The following RICTOR variants were observed in gnomAD, a reference collection of about 807,000 sequenced individuals.
RICTOR encodes RPTOR independent companion of MTOR complex 2.
A neutral mutation model predicts 214.9 loss-of-function variants in RICTOR; 49 were observed. That is an observed-to-expected ratio of 0.23 (90% CI 0.18 to 0.29). The LOEUF (loss-of-function observed/expected upper bound fraction) is 0.29, where lower values mean the gene tolerates loss of function less well. Among genes scored for constraint, RICTOR ranks in the 10% least tolerant of loss-of-function variants. The pLI, the probability that RICTOR is intolerant of heterozygous loss-of-function variation, is 1.00. For synonymous variants in RICTOR, 717 were observed against 711.3 expected (o/e 1.01, Z -0.13); for missense variants, 1,625 against 2,047.0 (o/e 0.79, Z 3.98).
chr5:39,053,530 C>T (rs989173902), intron 2 of RICTOR, among the ~76,000 whole-genome samples: 1 of 152,156 alleles, frequency 6.6e-6, no homozygotes, highest in Non-Finnish European at 1.5e-5. Flanking sequence ...TATTTAGGAT[C>T]TAGCACAGTG....
At chr5:39,034,975 C>A (rs1404131424) in intron 2 of RICTOR, among the ~76,000 whole-genome samples, 1 of 152,218 alleles carries the variant, frequency 6.6e-6, no homozygotes, top group African/African-American at 2.4e-5. Flanking sequence ...CAGTGGTTCT[C>A]CCAGCACGCA....
At chr5:38,983,722 G>C (rs1751916108) in intron 7 of RICTOR, among the ~76,000 whole-genome samples, 1 of 152,180 alleles carries the variant, frequency 6.6e-6, no homozygotes, top group Non-Finnish European at 1.5e-5. Context: ...CCAGCACTTT[G>C]GGAGGCTGAG....
chr5:38,966,300 T>A (rs1207047842), intron 15 of RICTOR, among the ~76,000 whole-genome samples: 1 of 152,230 alleles, frequency 6.6e-6, no homozygotes, highest in African/African-American at 2.4e-5. Context: ...TTTTGCAATT[T>A]CTTGCTTCTT....
At chr5:38,995,649 T>A (rs760361291) in intron 6 of RICTOR, among the ~76,000 whole-genome samples, 16 of 152,170 alleles carry the variant, frequency 1.1e-4, no homozygotes, top group Non-Finnish European at 1.5e-4. Flanking sequence ...CATATTAATA[T>A]ATATTTTAGT....
intron 9 of RICTOR, among the ~76,000 whole-genome samples, chr5:38,977,173 C>T (rs1012832795): frequency 1.3e-5 from 2 of 152,162 alleles, no homozygotes; most frequent in African/African-American, 2.4e-5. Flanking sequence ...CCCCAGCTGA[C>T]AGCCAGTAAA....
chr5:38,983,200 T>C (rs1464370221), intron 7 of RICTOR, among the ~76,000 whole-genome samples: 1 of 152,206 alleles, frequency 6.6e-6, no homozygotes, highest in Admixed American at 6.5e-5. Context: ...AATTCAAAAG[T>C]ACTTCCCAAA....
At chr5:39,018,175 T>A (rs1156818242) in intron 3 of RICTOR, among the ~76,000 whole-genome samples, 1 of 151,990 alleles carries the variant, frequency 6.6e-6, no homozygotes, top group African/African-American at 2.4e-5. Context: ...AACATACCAA[T>A]CCACTCATCA....
intron 15 of RICTOR, among the ~76,000 whole-genome samples, chr5:38,966,362 T>C (rs905650553): frequency 3.3e-5 from 5 of 152,234 alleles, no homozygotes; most frequent in African/African-American, 9.6e-5. Flanking sequence ...ATGTCAACTT[T>C]GAAAGTGAGT....
chr5:39,017,981 T>G (rs1309784074), intron 3 of RICTOR, among the ~76,000 whole-genome samples: 1 of 152,184 alleles, frequency 6.6e-6, no homozygotes, highest in Non-Finnish European at 1.5e-5. Flanking sequence ...GATCATATTT[T>G]GAGCAGCAAG....
chr5:39,006,964 T>C (rs551601145), intron 3 of RICTOR, among the ~76,000 whole-genome samples: 20 of 152,288 alleles, frequency 1.3e-4, no homozygotes, highest in African/African-American at 4.8e-4. Context: ...TTGTACAGTG[T>C]TGAAAGTAGT....
At chr5:38,990,110 G>A (rs1752473616) in intron 7 of RICTOR, among the ~76,000 whole-genome samples, 2 of 152,118 alleles carry the variant, frequency 1.3e-5, no homozygotes, top group Non-Finnish European at 2.9e-5. Flanking sequence ...ATCAGTGATA[G>A]ACTGGATAAA....
At chr5:38,945,257 G>T (rs1417536166) in intron 34 of RICTOR, 189 bp from the exon 35 acceptor site, 2 of 618,138 alleles carry the variant, frequency 3.2e-6, no homozygotes, top group Non-Finnish European at 5.6e-6. Context: ...GCCTGGACAG[G>T]GCTGTTCACA....
chr5:38,966,800 A>ATT (rs1561470258), intron 14 of RICTOR, 79 bp from the exon 15 acceptor site: 71 of 658,418 alleles, frequency 1.1e-4, no homozygotes, highest in African/African-American at 1.8e-4. Context: ...TATTTTTCAA[A>ATT]ATTTTTTTTT....
chr5:39,058,197 C>CAA (rs998041326), intron 2 of RICTOR, among the ~76,000 whole-genome samples: 3 of 151,502 alleles, frequency 2.0e-5, no homozygotes, highest in Non-Finnish European at 4.4e-5. Context: ...CTGAAAACAA[C>CAA]AAAAAAATCT....
In RICTOR at chr5:38,958,544, T is replaced by C. The variant is rs753320063; in HGVS notation, c.2344-25A>G. 10 of 1,587,794 alleles carry C rather than the reference T, an allele frequency of 6.3e-6. No individual in the cohort carries two copies. In the South Asian group the frequency reaches 1.1e-4, roughly 18 times the overall value. On this transcript the variant is annotated intron_variant, in intron 23 of 37. Transcript: ENST00000357387. ...CCTAAAAGAGATTATCATTATTTTT[T>C]TATAATTGCACAAAAATAGCAAAAT...
At chr5:39,019,677 G>C (rs557826037) in intron 3 of RICTOR, among the ~76,000 whole-genome samples, 1 of 152,170 alleles carries the variant, frequency 6.6e-6, no homozygotes, top group African/African-American at 2.4e-5. Context: ...AGAGTTGACA[G>C]TTACAAGGAG....
chr5:38,963,633 T>C (rs1009118479), intron 16 of RICTOR, among the ~76,000 whole-genome samples: 2 of 151,898 alleles, frequency 1.3e-5, no homozygotes, highest in Non-Finnish European at 1.5e-5. Flanking sequence ...TTTTTAAATA[T>C]TGGGATGTGC....
intron 3 of RICTOR, among the ~76,000 whole-genome samples, chr5:39,011,841 C>A (rs974558087): frequency 6.6e-6 from 1 of 152,122 alleles, no homozygotes; most frequent in Non-Finnish European, 1.5e-5. Context: ...AACTAACTTG[C>A]TTTTGATTTT....
intron 2 of RICTOR, among the ~76,000 whole-genome samples, chr5:39,031,709 T>C (rs1756283268): frequency 6.6e-6 from 1 of 152,160 alleles, no homozygotes; most frequent in African/African-American, 2.4e-5. Context: ...CATAAACAAA[T>C]ACTACAATAT....
Sources: allele counts gnomAD v4.1 joint callset (sites outside exome capture counted in the v4.1 genomes callset), GRCh38; gene constraint gnomAD v4.1.1; transcripts MANE v1.5; gene names NCBI Gene and HGNC (gene_info 2026-07-23, HGNC 2026-07-21).